The following LIFR variants were observed in gnomAD, a reference collection of about 807,000 sequenced individuals.
LIFR encodes the protein leukemia inhibitory factor receptor.
Under a neutral mutation model 122.2 loss-of-function variants are expected in LIFR, and 84 were observed. That is an observed-to-expected ratio of 0.69 (90% confidence interval 0.58 to 0.82). The LOEUF (loss-of-function observed/expected upper bound fraction) is 0.82. Ranked by LOEUF, LIFR falls within the 40% of genes least tolerant of loss-of-function variation. The pLI is 0.00. For synonymous variants in LIFR, 422 were observed against 434.7 expected (o/e 0.97, Z 0.36); for missense variants, 1,294 against 1,311.6 (o/e 0.99, Z 0.21).
chr5:38,577,797 G>A (rs1749436205), intron 1 of LIFR, among the ~76,000 whole-genome samples: 1 of 152,144 alleles, frequency 6.6e-6, no homozygotes, highest in South Asian at 2.1e-4. Context: ...TTTTGAAAGA[G>A]CTAAGGGTCA....
At chr5:38,534,102 T>C (rs1300206409) in intron 1 of LIFR, among the ~76,000 whole-genome samples, 2 of 152,156 alleles carry the variant, frequency 1.3e-5, no homozygotes, top group African/African-American at 2.4e-5. Flanking sequence ...CAGTAAACAG[T>C]ACCCGCACTG....
intron 4 of LIFR, among the ~76,000 whole-genome samples, chr5:38,524,264 A>G (rs146581651): frequency 6.6e-6 from 1 of 152,332 alleles, no homozygotes; most frequent in African/African-American, 2.4e-5. Context: ...ACCATTAAAC[A>G]GTAGCAGGAT....
intron 1 of LIFR, chr5:38,607,806 G>C (rs1477848098): frequency 1.3e-5 from 2 of 152,192 alleles, no homozygotes; most frequent in Non-Finnish European, 2.9e-5. Flanking sequence ...AGGATTGTCT[G>C]AAGACAAGTA....
intron 19 of LIFR, among the ~76,000 whole-genome samples, 160 bp from the exon 20 acceptor site, chr5:38,482,378 T>TCA (rs1355560601): frequency 6.6e-6 from 1 of 152,122 alleles, no homozygotes; most frequent in Non-Finnish European, 1.5e-5. Context: ...TTCTTCCGTA[T>TCA]CAGTATTTTC....
At chr5:38,494,899 T>C (rs1489777492) in intron 13 of LIFR, among the ~76,000 whole-genome samples, 1 of 152,092 alleles carries the variant, frequency 6.6e-6, no homozygotes, top group Admixed American at 6.5e-5. Context: ...AAGTAACTAA[T>C]AGCTATAACT....
intron 1 of LIFR, among the ~76,000 whole-genome samples, chr5:38,542,354 T>C (rs968986510): frequency 3.3e-5 from 5 of 152,178 alleles, no homozygotes; most frequent in Admixed American, 1.3e-4. Flanking sequence ...AAAAAGGACA[T>C]GATAGAAGAC....
In LIFR at chr5:38,496,516, A is replaced by G; in HGVS notation, c.1751T>C (p.Leu584Pro). 3 of 1,613,928 alleles carry G rather than the reference A, an allele frequency of 1.9e-6. No individual in the cohort carries two copies. The highest frequency in any genetic ancestry group is 2.5e-6 in the Non-Finnish European group (3 of 1,179,738). ...SCSSDEETQS[L>P]SEIPDPQHKA... Reference sequence around the variant, plus strand: ...GTGCTGAGGATCAGGGATTTCAGAAAGGGACTGTGTTTCCTCATCTGATGA... The same window carrying G: ...GTGCTGAGGATCAGGGATTTCAGAAGGGGACTGTGTTTCCTCATCTGATGA... Residue 584 changes from leucine to proline, a missense_variant, in exon 13 of 20, where the codon CTT (leucine) becomes CCT (proline). Transcript: ENST00000453190.
At chr5:38,574,233 C>T (rs775466232) in intron 1 of LIFR, among the ~76,000 whole-genome samples, 6 of 152,184 alleles carry the variant, frequency 3.9e-5, no homozygotes, top group Non-Finnish European at 8.8e-5. Flanking sequence ...CAGCCACACT[C>T]ACTGTCTCTT....
At chr5:38,519,006 AGAGT>A (rs1746255808) in intron 5 of LIFR, among the ~76,000 whole-genome samples, 1 of 152,242 alleles carries the variant, frequency 6.6e-6, no homozygotes, top group Non-Finnish European at 1.5e-5. Flanking sequence ...AAAAGCTTGT[AGAGT>A]AAGGATATAA....
At chr5:38,499,454 C>A (rs999153971) in intron 12 of LIFR, 59 bp downstream of exon 12, 4 of 1,153,292 alleles carry the variant, frequency 3.5e-6, no homozygotes, top group African/African-American at 3.0e-5. Flanking sequence ...AAGTACCATG[C>A]GTAAGTTAAG....
intron 5 of LIFR, among the ~76,000 whole-genome samples, chr5:38,522,386 T>A (rs898153906): frequency 1.3e-5 from 2 of 152,228 alleles, no homozygotes; most frequent in Non-Finnish European, 2.9e-5. Context: ...TCTAGGATGA[T>A]CTATTTGAAG....
chr5:38,492,414 A>ACC (rs1744643953), intron 14 of LIFR, among the ~76,000 whole-genome samples: 1 of 152,174 alleles, frequency 6.6e-6, no homozygotes, highest in Non-Finnish European at 1.5e-5. Flanking sequence ...CTCAGGTGAG[A>ACC]AAGGACAGAC....
intron 1 of LIFR, among the ~76,000 whole-genome samples, chr5:38,586,367 C>T (rs1271619374): frequency 6.6e-6 from 1 of 151,852 alleles, no homozygotes; most frequent in African/African-American, 2.4e-5. Flanking sequence ...AAGTCTCACA[C>T]TTATAATGTT....
rs766002119 is a variant in LIFR, at chr5:38,490,219, C to T, written c.2138G>A (p.Arg713His). Residue 713 changes from arginine to histidine, a missense_variant, in exon 15 of 20, where the codon CGC becomes CAC. Coordinates refer to ENST00000453190, the MANE Select transcript of LIFR (RefSeq NM_001127671.2). ...GCRNQGYQLL[R>H]SMIGYIEELA... is the part of the protein sequence containing the mutation. The stretch of plus-strand genomic sequence containing the variant: ...TTCTTCTATATATCCAATCATGGAG[C>T]GTAATAATTGATATCCTTGATTTCT... 2.7e-5 allele frequency: 42 copies of T among 1,569,086 alleles called. No individual in the cohort carries two copies. Among genetic ancestry groups the T allele is most frequent in the South Asian group, 5.7e-5 (5 of 88,426 alleles).
chr5:38,559,609 A>G (rs1263779573), upstream of LIFR, among the ~76,000 whole-genome samples: 1 of 152,220 alleles, frequency 6.6e-6, no homozygotes, highest in Admixed American at 6.5e-5. Context: ...ACTTTGTTTG[A>G]TGCTTATATT....
At chr5:38,502,467 C>T (rs1561149573) in intron 11 of LIFR, among the ~76,000 whole-genome samples, 170 bp downstream of exon 11, 1 of 152,144 alleles carries the variant, frequency 6.6e-6, no homozygotes, top group Non-Finnish European at 1.5e-5. Flanking sequence ...CCATATTGGT[C>T]AGGCTGGTCT....
chr5:38,574,448 C>G (rs142000740), intron 1 of LIFR, among the ~76,000 whole-genome samples: 215 of 152,286 alleles, frequency 1.4e-3, no homozygotes, highest in African/African-American at 4.9e-3. Context: ...GGTATTCCTT[C>G]CCAGTAAAAT....
chr5:38,528,981 GT>G (rs1246932957), intron 2 of LIFR, 141 bp from the exon 3 acceptor site: 18,935 of 470,714 alleles, frequency 0.04, 1 homozygote, highest in Middle Eastern at 0.048. Flanking sequence ...GAGAGCCCAT[GT>G]TTTTTTTTTT....
intron 9 of LIFR, among the ~76,000 whole-genome samples, chr5:38,504,629 G>T (rs1229007809): frequency 6.6e-6 from 1 of 152,142 alleles, no homozygotes; most frequent in Non-Finnish European, 1.5e-5. Context: ...AGGCAGAGAT[G>T]CCAATAATGA....
Sources: allele counts gnomAD v4.1 joint callset (sites outside exome capture counted in the v4.1 genomes callset), GRCh38; gene constraint gnomAD v4.1.1; transcripts MANE v1.5; gene names NCBI Gene and HGNC (gene_info 2026-07-23, HGNC 2026-07-21).